Variants in FARSB observed in about 807,000 individuals in gnomAD.
The protein encoded by FARSB is phenylalanyl-tRNA synthetase subunit beta.
FARSB carries 40 observed loss-of-function variants against 69.6 expected under a neutral mutation model. The observed-to-expected ratio is 0.57, with a 90% CI of 0.45 to 0.75. The LOEUF (loss-of-function observed/expected upper bound fraction) is 0.75, where lower values mean the gene tolerates loss of function less well. Among genes scored for constraint, FARSB ranks in the 30% least tolerant of loss-of-function variants. The probability of loss-of-function intolerance (pLI) is 0.00; values close to 1 mark genes in which losing one functional copy is unlikely to be tolerated. For missense variants in FARSB, 632 were observed against 722.9 expected, an observed-to-expected ratio of 0.87 and a Z score of 1.44; for synonymous variants, 235 against 247.2, an observed-to-expected ratio of 0.95 and a Z score of 0.46.
At chr2:222,596,114 C>T (rs1432547146) in intron 16 of FARSB, among the ~76,000 whole-genome samples, 1 of 152,012 alleles carries the variant, frequency 6.6e-6, no homozygotes, top group South Asian at 2.1e-4. Flanking sequence ...TGCAAGGATG[C>T]TCAGCAAATA....
intron 1 of FARSB, among the ~76,000 whole-genome samples, chr2:222,651,283 G>A (rs1692032028): frequency 2.0e-5 from 3 of 152,208 alleles, no homozygotes; most frequent in African/African-American, 7.2e-5. Context: ...AGTGTTCACA[G>A]TGCCACCTGG....
At chr2:222,633,988 A>G (rs1016345394) in intron 6 of FARSB, among the ~76,000 whole-genome samples, 1 of 152,194 alleles carries the variant, frequency 6.6e-6, no homozygotes, top group Middle Eastern at 3.2e-3. Context: ...ATTAAATACA[A>G]TTCAAAGTGA....
chr2:222,635,973 G>C (rs1691569458), intron 5 of FARSB, among the ~76,000 whole-genome samples: 7 of 151,786 alleles, frequency 4.6e-5, no homozygotes, highest in Admixed American at 4.6e-4. Context: ...TCAGCTACTT[G>C]GGAGGCTGAA....
chr2:222,577,988 A>G (rs1481044346), intron 16 of FARSB, among the ~76,000 whole-genome samples: 1 of 152,182 alleles, frequency 6.6e-6, no homozygotes, highest in African/African-American at 2.4e-5. Context: ...CTTCAAGATG[A>G]CCCAGCTAAT....
At chr2:222,586,337 C>T (rs548185506) in intron 16 of FARSB, among the ~76,000 whole-genome samples, 46 of 152,270 alleles carry the variant, frequency 3.0e-4, no homozygotes, top group African/African-American at 9.6e-4. Context: ...ACCAGGCCTA[C>T]CTTACAAGAG....
intron 16 of FARSB, among the ~76,000 whole-genome samples, chr2:222,592,747 A>G (rs1441551153): frequency 1.3e-5 from 2 of 151,462 alleles, no homozygotes; most frequent in Non-Finnish European, 2.9e-5. Flanking sequence ...TTTGCCCAGT[A>G]TATACAGCTG....
chr2:222,625,467 C>T (rs1454286184), intron 10 of FARSB, among the ~76,000 whole-genome samples: 1 of 152,226 alleles, frequency 6.6e-6, no homozygotes, highest in African/African-American at 2.4e-5. Context: ...AGGCAATGGT[C>T]TGGAACCTTG....
In FARSB at chr2:222,624,699, G is replaced by T; in HGVS notation, c.962+15C>A. On this transcript the variant is annotated intron_variant, in intron 11 of 16. Transcript: ENST00000281828. ...GTACTTTGTTCTTGAATTAAGTGAA[G>T]TTTTCAGAGCATACCTGATTCCAAC... The T allele has an allele frequency of 2.5e-6, 4 of 1,569,772 alleles. No homozygotes were observed. The highest frequency in any genetic ancestry group is 3.5e-6 in the Non-Finnish European group (4 of 1,150,036).
At chr2:222,629,107 C>T (rs190816135) in intron 9 of FARSB, among the ~76,000 whole-genome samples, 1 of 152,278 alleles carries the variant, frequency 6.6e-6, no homozygotes, top group Non-Finnish European at 1.5e-5. Context: ...GCACCACCTA[C>T]TTGAAAGGTT....
intron 7 of FARSB, 28 bp downstream of exon 7, chr2:222,633,171 G>A (rs760326644): frequency 9.5e-7 from 1 of 1,051,420 alleles, no homozygotes; most frequent in South Asian, 1.3e-5. Flanking sequence ...AAACAGCAAA[G>A]ATCTGTGATG....
chr2:222,631,577 C>A (rs1409615613), intron 8 of FARSB, 27 bp downstream of exon 8: 1 of 1,288,826 alleles, frequency 7.8e-7, no homozygotes, highest in African/African-American at 1.5e-5. Context: ...GCTGATCATA[C>A]AAAAATTGAG....
At chr2:222,604,722 A>ATTTTTTTTTTTTTTTTTTTTTTTTTTT (rs56201038) in intron 15 of FARSB, among the ~76,000 whole-genome samples, 1 of 110,716 alleles carries the variant, frequency 9.0e-6, no homozygotes. Flanking sequence ...TGCCCACTGA[A>ATTTTTTTTTTTTTTTTTTTTTTTTTTT]TTTTTTTTTT....
Position 222,644,923 on chromosome 2 carries a change from T to C in FARSB, c.115-1918A>G, listed in dbSNP as rs542835225. 9.3e-5 allele frequency among the ~76,000 whole-genome samples: 14 copies of C among 150,872 alleles called. No homozygotes were observed. The South Asian group carries it at 2.9e-3, about 31-fold the overall frequency. ...ACAGTTTGCTGCAGGTAACCAAAAC[T>C]GTGGAGGCAAAAAACTGTGGATAAG... On this transcript the variant is annotated intron_variant, in intron 2 of 16. Transcript: ENST00000281828.
chr2:222,583,414 G>T (rs945609775), intron 16 of FARSB, among the ~76,000 whole-genome samples: 1 of 152,138 alleles, frequency 6.6e-6, no homozygotes, highest in Non-Finnish European at 1.5e-5. Flanking sequence ...TGAAAATTGC[G>T]TGCCACTTCA....
At chr2:222,634,655 AT>A (rs796680155) in intron 5 of FARSB, 114 bp from the exon 6 acceptor site, 90 of 688,086 alleles carry the variant, frequency 1.3e-4, no homozygotes, top group Non-Finnish European at 1.6e-4. Context: ...TAGACTACAT[AT>A]TTTTTTTAAT....
At chr2:222,608,051 A>G (rs1475981876) in intron 15 of FARSB, among the ~76,000 whole-genome samples, 1 of 152,196 alleles carries the variant, frequency 6.6e-6, no homozygotes, top group Non-Finnish European at 1.5e-5. Flanking sequence ...ATGTACTAAA[A>G]TAACTTTCTA....
intron 16 of FARSB, among the ~76,000 whole-genome samples, chr2:222,588,739 G>A (rs111305939): frequency 3.5e-3 from 538 of 152,038 alleles, no homozygotes; most frequent in African/African-American, 0.012. Flanking sequence ...GAGCCAGATC[G>A]TGAGTGAACT....
At chr2:222,639,502 G>C in intron 5 of FARSB, 78 bp downstream of exon 5, 1 of 555,350 alleles carries the variant, frequency 1.8e-6, no homozygotes, top group Non-Finnish European at 3.3e-6. Context: ...AGAAGAGGGA[G>C]AGGGATCAGG....
chr2:222,595,919 A>G (rs938801803), intron 16 of FARSB, among the ~76,000 whole-genome samples: 10 of 138,088 alleles, frequency 7.2e-5, no homozygotes, highest in African/African-American at 2.5e-4. Context: ...AAAAAGAAAA[A>G]GCATATATAT....
Sources: allele counts gnomAD v4.1 joint callset (sites outside exome capture counted in the v4.1 genomes callset), GRCh38; gene constraint gnomAD v4.1.1; transcripts MANE v1.5; gene names NCBI Gene and HGNC (gene_info 2026-07-23, HGNC 2026-07-21).